The following SF3A1 variants were observed in gnomAD, a reference collection of about 807,000 sequenced individuals.
SF3A1 encodes the protein splicing factor 3a subunit 1.
SF3A1 carries 13 observed loss-of-function variants against 89.9 expected under a neutral mutation model. That is an observed-to-expected ratio of 0.14 (90% CI 0.09 to 0.23). The LOEUF (loss-of-function observed/expected upper bound fraction) is 0.23. SF3A1 is among the 10% of genes least tolerant of loss of function. SF3A1 has a pLI of 1.00. For missense variants in SF3A1, 604 were observed against 1,022.1 expected (o/e 0.59, Z 5.58); for synonymous variants, 405 against 374.4 (o/e 1.08, Z -0.94).
chr22:30,343,020 G>A lies in SF3A1; in HGVS notation c.652-141C>T, dbSNP rs1340924424. On this transcript the variant is annotated intron_variant, in intron 4 of 15. Coordinates refer to ENST00000215793, the MANE Select transcript of SF3A1 (RefSeq NM_005877.6). ...CCAATCCCAGCTCCACTTGGCTGTG[G>A]GACTTAGGGCAAGTTACTTAACCTC... 8.9e-6 allele frequency: 5 copies of A among 563,096 alleles called. 1 individual carries two copies. In the African/African-American group the frequency reaches 9.6e-5, roughly 11 times the overall value. The allele number at this position is 563,096 out of a possible 1,614,324, so 34.9% of individuals were successfully genotyped here. A position where few individuals can be genotyped will look rare whatever the true frequency, so the allele number is the denominator to read the frequency against.
At chr22:30,342,520 C>A in intron 5 of SF3A1, 170 bp from the exon 6 acceptor site, 1 of 745,810 alleles carries the variant, frequency 1.3e-6, no homozygotes, top group South Asian at 1.9e-5. Flanking sequence ...AGAGTTGGGA[C>A]AGAATGAAAA....
rs1006554258 is a variant in SF3A1 at position 30,340,756 on chromosome 22, C to G, written c.1128G>C (p.Met376Ile). ...CTGGAGTTGGGGGCAGAGGTGGAGG[C>G]ATGGGTGTCTCTGGGGGTGGGGGCA... ...QKVPPPPETP[M>I]PPPLPPTPDQ... is the part of the protein sequence containing the mutation. Residue 376 changes from methionine to isoleucine, a missense_variant, in exon 8 of 16, where the codon ATG (methionine) becomes ATC (isoleucine). Transcript: ENST00000215793. 2 of 1,602,806 alleles carry G rather than the reference C, an allele frequency of 1.2e-6. No individual in the cohort carries two copies. Among genetic ancestry groups the G allele is most frequent in the Non-Finnish European group, 1.7e-6 (2 of 1,175,488 alleles).
intron 2 of SF3A1, among the ~76,000 whole-genome samples, chr22:30,351,559 C>T (rs180922743): frequency 6.6e-6 from 1 of 152,274 alleles, no homozygotes; most frequent in Admixed American, 6.5e-5. Flanking sequence ...GTCACCCAGG[C>T]TAGAGTCCAT....
In SF3A1 at chr22:30,337,727, A is replaced by T. The variant is rs370808695; in HGVS notation, c.1914T>A (p.Ile638=). 2 of 1,548,826 alleles carry T rather than the reference A, an allele frequency of 1.3e-6. No individual in the cohort carries two copies. The highest frequency in any genetic ancestry group is 2.0e-5 in the Admixed American group (1 of 50,994). The change falls in exon 12 of 16, where the codon ATT becomes ATA. Residue 638 remains isoleucine, a synonymous_variant. Coordinates refer to ENST00000215793, the MANE Select transcript of SF3A1 (RefSeq NM_005877.6). ...VVPMPPSAPP[I]MAPRPPPMIV... is the part of the protein sequence containing the mutation. ...TCATGGGGGGTGGGCGGGGGGCCATAATAGGAGGGGCCGAGGGAGGCATGG... is the reference window on the plus strand; with the variant it reads ...TCATGGGGGGTGGGCGGGGGGCCATTATAGGAGGGGCCGAGGGAGGCATGG...
intron 11 of SF3A1, among the ~76,000 whole-genome samples, chr22:30,338,575 T>A (rs533233314): frequency 6.6e-6 from 1 of 151,922 alleles, no homozygotes. Context: ...TGGTTTCTCA[T>A]ATTTGCCACT....
intron 6 of SF3A1, 117 bp downstream of exon 6, chr22:30,342,083 A>C (rs1335192656): frequency 7.7e-7 from 1 of 1,304,028 alleles, no homozygotes; most frequent in Non-Finnish European, 1.1e-6. Flanking sequence ...CAGGGAGGAG[A>C]CAGCACTGAT....
chr22:30,355,815 T>TCCCCCCCCCCCCCCCCCC (rs11451197), intron 1 of SF3A1, among the ~76,000 whole-genome samples: 4 of 92,278 alleles, frequency 4.3e-5, no homozygotes, highest in South Asian at 4.8e-4. Flanking sequence ...TCAGTCATGT[T>TCCCCCCCCCCCCCCCCCC]CCCCCCCCCC....
In SF3A1 at chr22:30,337,133, T is replaced by C. The variant is rs369021965; in HGVS notation, c.1999A>G (p.Met667Val). ...GGAGGTGGGGGATGCACAGGGGGCA[T>C]TGGGGCTGGAGCTGGGACAGGTGCC... ...PVAPVPAPAP[M>V]PPVHPPPPME... Residue 667 changes from methionine (M) to valine (V), a missense_variant, in exon 13 of 16, where the codon ATG becomes GTG. By Grantham distance (21) the Met-to-Val change is conservative. Around this residue, in one of 9 missense-constraint regions of SF3A1, gnomAD observed 45 missense variants for 41.1 expected, o/e 1.09. Transcript: ENST00000215793. 1.3e-4 allele frequency: 214 copies of C among 1,613,830 alleles called. No individual in the cohort carries two copies. The highest frequency in any genetic ancestry group is 2.7e-4 in the East Asian group (12 of 44,878).
intron 1 of SF3A1, among the ~76,000 whole-genome samples, chr22:30,355,557 C>T (rs1931767325): frequency 6.6e-6 from 1 of 152,170 alleles, no homozygotes. Flanking sequence ...TGGCTTAAAA[C>T]ACTCCCTTTT....
chr22:30,353,122 A>C, intron 1 of SF3A1, 50 bp from the exon 2 acceptor site: 1 of 1,603,044 alleles, frequency 6.2e-7, no homozygotes, highest in Non-Finnish European at 8.5e-7. Context: ...GGTTCAGAGC[A>C]GGTTCTCCAC....
At chr22:30,346,570 G>A (rs1397182590) in intron 2 of SF3A1, 51 bp from the exon 3 acceptor site, 1 of 1,599,160 alleles carries the variant, frequency 6.3e-7, no homozygotes, top group Admixed American at 1.7e-5. Flanking sequence ...TGTGCCTGCT[G>A]TGATCTAGAA....
At chr22:30,341,622 G>T in intron 7 of SF3A1, 70 bp downstream of exon 7, 2 of 1,251,464 alleles carry the variant, frequency 1.6e-6, no homozygotes, top group Non-Finnish European at 1.1e-6. Context: ...GATCTGACTG[G>T]TGGAGAGCAC....
chr22:30,342,369 G>T lies in SF3A1; in HGVS notation c.727-19C>A. ...AACACACCTGCAGAGATGGGAAACA[G>T]CTTGGTGCTACGCTGAAGCAGGGTC... On this transcript the variant is annotated intron_variant, in intron 5 of 15. Coordinates refer to ENST00000215793, the MANE Select transcript of SF3A1 (RefSeq NM_005877.6). The T allele has an allele frequency of 6.3e-7, 1 of 1,585,642 alleles. No individual in the cohort carries two copies. The highest frequency in any genetic ancestry group is 1.1e-5 in the South Asian group (1 of 88,016).
intron 3 of SF3A1, among the ~76,000 whole-genome samples, 185 bp from the exon 4 acceptor site, chr22:30,345,375 C>G (rs934323801): frequency 6.6e-6 from 1 of 152,212 alleles, no homozygotes; most frequent in African/African-American, 2.4e-5. Context: ...GCATTGACTT[C>G]CCAGCCAACT....
intron 12 of SF3A1, 50 bp from the exon 13 acceptor site, chr22:30,337,230 G>A (rs1336270885): frequency 6.6e-7 from 1 of 1,525,340 alleles, no homozygotes; most frequent in Admixed American, 2.0e-5. Context: ...AGGGGCCCAG[G>A]ACTCAGGGCT....
chr22:30,338,492 T>C (rs915836086), intron 11 of SF3A1, among the ~76,000 whole-genome samples: 2 of 148,362 alleles, frequency 1.3e-5, no homozygotes, highest in African/African-American at 2.5e-5. Context: ...AGACCTCGAC[T>C]AAGTCTCTCC....
intron 2 of SF3A1, among the ~76,000 whole-genome samples, chr22:30,351,312 A>G (rs1175990811): frequency 1.3e-5 from 2 of 152,116 alleles, no homozygotes; most frequent in African/African-American, 4.8e-5. Context: ...AAAAAAAAAA[A>G]AAAGAAAGTC....
chr22:30,337,307 G>A (rs13056326), intron 12 of SF3A1, 127 bp from the exon 13 acceptor site: 193,393 of 911,096 alleles, frequency 0.21, 22,126 homozygotes, highest in Middle Eastern at 0.29. Flanking sequence ...GCTGTTCCCT[G>A]CTAAGTCTGG....
chr22:30,346,258 T>C (rs1407643959), intron 3 of SF3A1, 54 bp downstream of exon 3: 1 of 1,198,350 alleles, frequency 8.3e-7, no homozygotes, highest in South Asian at 1.3e-5. Context: ...TCCCTCCCTA[T>C]CCCTGTTTCC....
Sources: allele counts gnomAD v4.1 joint callset (sites outside exome capture counted in the v4.1 genomes callset), GRCh38; gene constraint gnomAD v4.1.1; regional missense constraint gnomAD v4.1.1; transcripts MANE v1.5; gene names NCBI Gene and HGNC (gene_info 2026-07-23, HGNC 2026-07-21).